Variants in GALK2 observed in about 807,000 individuals in gnomAD.
GALK2 encodes the protein galactokinase 2.
A neutral mutation model predicts 52.4 loss-of-function variants in GALK2; 36 were observed. The observed-to-expected ratio is 0.69, with a 90% CI of 0.53 to 0.91. The LOEUF (loss-of-function observed/expected upper bound fraction) is 0.91. Among genes scored for constraint, GALK2 ranks in the 40% least tolerant of loss-of-function variants. The probability of loss-of-function intolerance (pLI) is 0.00; values close to 1 mark genes in which losing one functional copy is unlikely to be tolerated. For synonymous variants in GALK2, 176 were observed against 199.1 expected (o/e 0.88, Z 0.98); for missense variants, 579 against 559.1 (o/e 1.04, Z -0.36).
intron 5 of GALK2, among the ~76,000 whole-genome samples, chr15:49,272,434 C>G (rs532035744): frequency 6.9e-4 from 105 of 152,250 alleles, no homozygotes; most frequent in African/African-American, 2.4e-3. Flanking sequence ...AATATGCATG[C>G]AGATCACCTG....
chr15:49,250,276 G>A (rs1266553128), intron 5 of GALK2, among the ~76,000 whole-genome samples: 2 of 152,132 alleles, frequency 1.3e-5, no homozygotes, highest in Non-Finnish European at 2.9e-5. Context: ...AAGAGAAAAG[G>A]TTAATAAATG....
intron 1 of GALK2, among the ~76,000 whole-genome samples, chr15:49,182,122 A>T (rs1261373082): frequency 1.3e-5 from 2 of 152,110 alleles, no homozygotes; most frequent in Non-Finnish European, 2.9e-5. Context: ...GTACCTATTA[A>T]CCATCCCCAC....
intron 3 of GALK2, among the ~76,000 whole-genome samples, chr15:49,233,829 T>G (rs772572106): frequency 6.6e-5 from 10 of 152,162 alleles, no homozygotes; most frequent in Non-Finnish European, 1.2e-4. Context: ...AATAATACTC[T>G]CTCAGCCACG....
At chr15:49,213,874 T>C (rs751823583) in intron 2 of GALK2, among the ~76,000 whole-genome samples, 7 of 152,132 alleles carry the variant, frequency 4.6e-5, no homozygotes, top group Non-Finnish European at 7.4e-5. Flanking sequence ...TCCCAGCACG[T>C]TGGCAGGTGG....
intron 3 of GALK2, among the ~76,000 whole-genome samples, chr15:49,344,745 G>A (rs1354559288): frequency 6.6e-6 from 1 of 152,118 alleles, no homozygotes; most frequent in South Asian, 2.1e-4. Flanking sequence ...CACTTTGGCT[G>A]TCACAGACTG....
At chr15:49,283,491 G>A in intron 6 of GALK2, 75 bp from the exon 7 acceptor site, 1 of 1,315,260 alleles carries the variant, frequency 7.6e-7, no homozygotes, top group Middle Eastern at 2.1e-4. Flanking sequence ...AACACTTTAA[G>A]ATAAATACAT....
chr15:49,304,698 A>G (rs1344130583), intron 8 of GALK2, among the ~76,000 whole-genome samples: 1 of 152,250 alleles, frequency 6.6e-6, no homozygotes, highest in Non-Finnish European at 1.5e-5. Context: ...TTGAGTGGCT[A>G]TGAGTCTCAT....
intron 5 of GALK2, among the ~76,000 whole-genome samples, chr15:49,261,308 TA>T (rs1371730474): frequency 6.8e-6 from 1 of 146,814 alleles, no homozygotes; most frequent in Non-Finnish European, 1.5e-5. Context: ...GATTCCTAGG[TA>T]TTTTATTCTC....
At chr15:49,210,900 C>G (rs1457617605) in intron 2 of GALK2, among the ~76,000 whole-genome samples, 2 of 151,518 alleles carry the variant, frequency 1.3e-5, no homozygotes, top group African/African-American at 4.9e-5. Flanking sequence ...GCATGTGCCA[C>G]CATGCCTGGC....
In GALK2 at chr15:49,319,741, A is replaced by G. The variant is rs757900171; in HGVS notation, c.1105A>G (p.Met369Val). 1.9e-5 allele frequency: 31 copies of G among 1,614,060 alleles called. No homozygotes were observed. The highest frequency in any genetic ancestry group is 8.3e-5 in the Admixed American group (5 of 60,014). ...LLGELMNQSH[M>V]SCRDMYECSC... ...GGGAGAGTTGATGAACCAGAGCCAC[A>G]TGAGCTGCCGGGACATGTATGAGTG... Residue 369 changes from methionine to valine, a missense_variant, in exon 9 of 10, where the codon ATG (methionine) becomes GTG (valine). Met to Val is a conservative substitution (Grantham distance 21, BLOSUM62 1). Transcript: ENST00000560031.
intron 3 of GALK2, 43 bp from the exon 4 acceptor site, chr15:49,235,808 A>C (rs371437389): frequency 8.3e-6 from 11 of 1,331,272 alleles, no homozygotes; most frequent in Non-Finnish European, 1.2e-5. Context: ...TTGCAGCTCA[A>C]GGCCTACAGA....
chr15:49,208,614 G>A (rs1421073665), intron 2 of GALK2, among the ~76,000 whole-genome samples: 2 of 152,142 alleles, frequency 1.3e-5, no homozygotes, highest in Admixed American at 1.3e-4. Flanking sequence ...CTGTTGAAAA[G>A]GATGTGTTTT....
intron 1 of GALK2, chr15:49,195,159 CCTCCTGGGTT>C: frequency 2.2e-6 from 1 of 449,426 alleles, no homozygotes; most frequent in Non-Finnish European, 4.5e-6. Flanking sequence ...GCAACCTCCG[CCTCCTGGGTT>C]GAAGTGATTC....
chr15:49,335,484 T>C (rs532432729), downstream of GALK2: 52 of 1,613,428 alleles, frequency 3.2e-5, no homozygotes, highest in Non-Finnish European at 4.0e-5. Flanking sequence ...CACGGTATGT[T>C]GGAGCAGGTA....
intron 2 of GALK2, among the ~76,000 whole-genome samples, chr15:49,202,993 GTCT>G (rs2141314766): frequency 6.6e-6 from 1 of 152,128 alleles, no homozygotes; most frequent in Non-Finnish European, 1.5e-5. Context: ...TCATTTGTAT[GTCT>G]TCTTTTTAGA....
intron 3 of GALK2, among the ~76,000 whole-genome samples, chr15:49,222,894 G>T (rs2089902266): frequency 6.6e-6 from 1 of 152,150 alleles, no homozygotes; most frequent in African/African-American, 2.4e-5. Flanking sequence ...TCAGAGTGAT[G>T]CTTGCCTTTT....
chr15:49,309,127 A>G (rs1000669599), intron 8 of GALK2, among the ~76,000 whole-genome samples: 1 of 152,210 alleles, frequency 6.6e-6, no homozygotes, highest in African/African-American at 2.4e-5. Flanking sequence ...TAAAGTGTCT[A>G]GATTCCAATG....
At chr15:49,297,414 G>T (rs1415499441) in intron 8 of GALK2, among the ~76,000 whole-genome samples, 2 of 152,080 alleles carry the variant, frequency 1.3e-5, no homozygotes, top group Non-Finnish European at 2.9e-5. Flanking sequence ...TTCTTTTGCT[G>T]TACAGAAGCT....
chr15:49,281,337 C>T (rs919079691), intron 5 of GALK2, among the ~76,000 whole-genome samples: 17 of 152,108 alleles, frequency 1.1e-4, no homozygotes, highest in African/African-American at 3.6e-4. Context: ...CATAATGGTC[C>T]CAGATTTTGG....
Sources: allele counts gnomAD v4.1 joint callset (sites outside exome capture counted in the v4.1 genomes callset), GRCh38; gene constraint gnomAD v4.1.1; transcripts MANE v1.5; gene names NCBI Gene and HGNC (gene_info 2026-07-23, HGNC 2026-07-21).